The following OPHN1 variants were observed in gnomAD, a reference collection of about 807,000 sequenced individuals.
OPHN1 encodes the protein oligophrenin-1.
Under a neutral mutation model 60.7 loss-of-function variants are expected in OPHN1, and 11 were observed. The observed-to-expected ratio is 0.18, with a 90% CI of 0.11 to 0.30. The LOEUF (loss-of-function observed/expected upper bound fraction) is 0.30. Ranked by LOEUF, OPHN1 falls within the 10% of genes least tolerant of loss-of-function variation. OPHN1 has a pLI of 1.00. For missense variants in OPHN1, 449 were observed against 611.0 expected (o/e 0.73, Z 2.80); for synonymous variants, 226 against 222.6 (o/e 1.02, Z -0.14).
intron 18 of OPHN1, among the ~76,000 whole-genome samples, chrX:68,098,626 G>A (rs1359031498): frequency 8.9e-6 from 1 of 112,034 alleles, no homozygotes; most frequent in African/African-American, 3.2e-5. Context: ...CATAGCTTTT[G>A]ATATTGCTGG....
intron 21 of OPHN1, among the ~76,000 whole-genome samples, chrX:68,058,671 G>A (rs2076882421): frequency 8.9e-6 from 1 of 111,766 alleles, no homozygotes; most frequent in Non-Finnish European, 1.9e-5. Context: ...TTTCCTAAGA[G>A]GTTGTTACCT....
intron 4 of OPHN1, among the ~76,000 whole-genome samples, chrX:68,281,506 G>A (rs2078018933): frequency 9.0e-6 from 1 of 111,588 alleles, no homozygotes; most frequent in South Asian, 3.7e-4. Context: ...GGTGACCTTG[G>A]ATTTGGAAAA....
At chrX:68,294,692 C>G in intron 3 of OPHN1, among the ~76,000 whole-genome samples, 1 of 110,376 alleles carries the variant, frequency 9.1e-6, no homozygotes, top group Non-Finnish European at 1.9e-5. Flanking sequence ...GATTCAGGCT[C>G]TAATAGTAAA....
chrX:68,179,482 T>C (rs973647380), intron 15 of OPHN1, among the ~76,000 whole-genome samples: 1 of 112,256 alleles, frequency 8.9e-6, no homozygotes, highest in Non-Finnish European at 1.9e-5. Flanking sequence ...GAATTCTCTT[T>C]CTGATTAGGT....
intron 2 of OPHN1, among the ~76,000 whole-genome samples, chrX:68,341,709 G>A (rs1295469155): frequency 9.1e-6 from 1 of 109,592 alleles, no homozygotes; most frequent in Non-Finnish European, 1.9e-5. Context: ...ATGGCGGCAC[G>A]AGCCTGTAGT....
intron 3 of OPHN1, among the ~76,000 whole-genome samples, chrX:68,294,715 T>C (rs191146401): frequency 3.7e-3 from 414 of 111,069 alleles, no homozygotes; most frequent in African/African-American, 0.013. Flanking sequence ...TGGTACTATG[T>C]AGCTGTGTGG....
rs752009701 is a variant in OPHN1 at position 68,072,382 on chromosome X, A to T, written c.1834+770T>A. 4.5e-5 allele frequency among the ~76,000 whole-genome samples: 5 copies of T among 112,264 alleles called. No individual in the cohort carries two copies. The East Asian group carries it at 1.4e-3, about 31-fold the overall frequency. On this transcript the variant is annotated intron_variant, in intron 20 of 24. Transcript: ENST00000355520. ...GATCAGAGAACAGGACTAAGAAAAA[A>T]GCTCTGGGACCTTCTAACATGTAAA...
chrX:68,189,845 G>A (rs2077480261), intron 15 of OPHN1, among the ~76,000 whole-genome samples: 1 of 111,300 alleles, frequency 9.0e-6, no homozygotes, highest in South Asian at 3.8e-4. Flanking sequence ...AGAAGAAAAG[G>A]CTTTAGTAAA....
intron 5 of OPHN1, among the ~76,000 whole-genome samples, chrX:68,249,902 G>T (rs923109579): frequency 5.4e-5 from 6 of 112,140 alleles, no homozygotes; most frequent in Non-Finnish European, 7.5e-5. Context: ...AATTCTTGCT[G>T]GGGTGTCAAG....
intron 15 of OPHN1, among the ~76,000 whole-genome samples, chrX:68,146,463 C>A (rs1457163552): frequency 8.9e-6 from 1 of 112,302 alleles, no homozygotes; most frequent in East Asian, 2.8e-4. Context: ...AAACAACATA[C>A]CAACCTTATC....
chrX:68,411,055 T>C (rs771467805), intron 2 of OPHN1, among the ~76,000 whole-genome samples: 1 of 111,956 alleles, frequency 8.9e-6, no homozygotes, highest in Non-Finnish European at 1.9e-5. Context: ...GGCAAATTAA[T>C]AGGAGAAAAG....
chrX:68,216,399 C>A (rs911579475), intron 6 of OPHN1, among the ~76,000 whole-genome samples: 12 of 110,801 alleles, frequency 1.1e-4, no homozygotes, highest in African/African-American at 3.9e-4. Context: ...ATCTATGACC[C>A]TTTTAAACGT....
chrX:68,217,081 C>T (rs1233442469), intron 6 of OPHN1, among the ~76,000 whole-genome samples: 8 of 111,465 alleles, frequency 7.2e-5, no homozygotes, highest in Non-Finnish European at 1.1e-4. Flanking sequence ...GCACCGTGCG[C>T]GAGCCGAAGC....
chrX:68,377,797 A>G (rs961020311), intron 2 of OPHN1, among the ~76,000 whole-genome samples: 23 of 111,707 alleles, frequency 2.1e-4, no homozygotes, highest in Non-Finnish European at 3.6e-4. Flanking sequence ...TCCATGGTGT[A>G]TATGTGCCAC....
intron 18 of OPHN1, among the ~76,000 whole-genome samples, chrX:68,101,771 A>C (rs1162364878): frequency 8.9e-6 from 1 of 112,422 alleles, no homozygotes; most frequent in Non-Finnish European, 1.9e-5. Flanking sequence ...AGGGTAGAAA[A>C]ATATAGCAAT....
intron 19 of OPHN1, among the ~76,000 whole-genome samples, chrX:68,091,994 TA>T (rs772148183): frequency 4.5e-5 from 5 of 110,601 alleles, no homozygotes; most frequent in East Asian, 2.8e-4. Flanking sequence ...TTCAAGTTGT[TA>T]AAAAAAAATT....
At chrX:68,253,970 G>C (rs890525829) in intron 5 of OPHN1, among the ~76,000 whole-genome samples, 1 of 111,919 alleles carries the variant, frequency 8.9e-6, no homozygotes, top group Non-Finnish European at 1.9e-5. Context: ...CTGCGTCTAG[G>C]GGGTAACGGC....
intron 2 of OPHN1, among the ~76,000 whole-genome samples, chrX:68,314,488 T>C (rs1455228562): frequency 9.2e-6 from 1 of 109,006 alleles, no homozygotes; most frequent in Non-Finnish European, 1.9e-5. Context: ...GCTATTGCAC[T>C]CCAGCCTAGG....
At position 68,183,823 on chromosome X, in the gene OPHN1, T is replaced by C. The variant is rs754181891; in HGVS notation, c.1276+9096A>G. On this transcript the variant is annotated intron_variant, in intron 15 of 24. Coordinates refer to ENST00000355520, the MANE Select transcript of OPHN1 (RefSeq NM_002547.3). The stretch of plus-strand genomic sequence containing the variant: ...CTTGTTTTCTCCTACTAATCTTGTC[T>C]TTTGTTACAAGGGTATGTTCTGACT... Among the ~76,000 whole-genome samples, 3 of 112,797 alleles carry C rather than the reference T, an allele frequency of 2.7e-5. No individual in the cohort carries two copies. In the East Asian group the frequency reaches 8.3e-4, roughly 31 times the overall value.
Sources: allele counts gnomAD v4.1 joint callset (sites outside exome capture counted in the v4.1 genomes callset), GRCh38; gene constraint gnomAD v4.1.1; transcripts MANE v1.5; gene names NCBI Gene and HGNC (gene_info 2026-07-23, HGNC 2026-07-21).